Variants in OSBPL11 observed in about 807,000 individuals in gnomAD.
OSBPL11 encodes the protein oxysterol binding protein like 11, also known as oxysterol-binding protein-related protein 11.
A neutral mutation model predicts 84.4 loss-of-function variants in OSBPL11; 33 were observed. The ratio of observed to expected loss-of-function variants is 0.39; its 90% CI spans 0.30 to 0.52. The LOEUF (loss-of-function observed/expected upper bound fraction) is 0.52, where lower values mean the gene tolerates loss of function less well. OSBPL11 is among the 20% of genes least tolerant of loss of function. OSBPL11 has a pLI of 0.72. For synonymous variants in OSBPL11, 276 were observed against 310.2 expected (o/e 0.89, Z 1.16); for missense variants, 736 against 901.1 (o/e 0.82, Z 2.35).
chr3:125,563,908 G>A, intron 6 of OSBPL11, 65 bp from the exon 7 acceptor site: 1 of 1,579,016 alleles, frequency 6.3e-7, no homozygotes, highest in Non-Finnish European at 8.6e-7. Flanking sequence ...GGCAGATGTG[G>A]ATTTTAACAA....
intron 9 of OSBPL11, 106 bp downstream of exon 9, chr3:125,552,075 T>C (rs1456974297): frequency 1.5e-6 from 1 of 649,080 alleles, no homozygotes; most frequent in Non-Finnish European, 2.1e-6. Context: ...TTTCCTGTTC[T>C]AAAGCCTTTT....
At chr3:125,532,307 A>C (rs1312175461) in intron 11 of OSBPL11, among the ~76,000 whole-genome samples, 2 of 152,208 alleles carry the variant, frequency 1.3e-5, no homozygotes, top group African/African-American at 2.4e-5. Context: ...AAGAGAAGTA[A>C]ATTTTCAAAG....
At chr3:125,543,368 T>C (rs947001860) in intron 10 of OSBPL11, among the ~76,000 whole-genome samples, 22 of 149,042 alleles carry the variant, frequency 1.5e-4, no homozygotes, top group South Asian at 1.1e-3. Context: ...CTGACCTCAG[T>C]TGATCCACTG....
intron 6 of OSBPL11, among the ~76,000 whole-genome samples, chr3:125,564,599 A>G (rs1300363279): frequency 6.6e-6 from 1 of 152,104 alleles, no homozygotes; most frequent in Non-Finnish European, 1.5e-5. Context: ...ATAGAGTGCT[A>G]TAATAAGGGA....
intron 11 of OSBPL11, among the ~76,000 whole-genome samples, chr3:125,536,604 C>G (rs1935643044): frequency 6.6e-6 from 1 of 152,172 alleles, no homozygotes; most frequent in African/African-American, 2.4e-5. Context: ...AACATACCAT[C>G]AATTGTTTTT....
chr3:125,564,461 C>T (rs546353747), intron 6 of OSBPL11, among the ~76,000 whole-genome samples: 28 of 152,228 alleles, frequency 1.8e-4, no homozygotes, highest in African/African-American at 6.3e-4. Flanking sequence ...GTCATCTTCT[C>T]GGTTAATGAT....
chr3:125,557,898 A>T (rs1456955321), intron 8 of OSBPL11, among the ~76,000 whole-genome samples: 1 of 147,298 alleles, frequency 6.8e-6, no homozygotes. Context: ...GGTTCAAGCA[A>T]TTCTTGTATC....
At position 125,529,152 on chromosome 3, in the gene OSBPL11, G is replaced by A. The variant is rs1028171639; in HGVS notation, c.*1363C>T. ...ACCTACAATGGCTGATAAACAACAGGTATGTTACACACACTGATTGGAAGA... is the reference window on the plus strand; with the variant it reads ...ACCTACAATGGCTGATAAACAACAGATATGTTACACACACTGATTGGAAGA... On this transcript the variant is annotated 3_prime_UTR_variant, in exon 13 of 13. Transcript: ENST00000296220. 1.3e-5 allele frequency: 2 copies of A among 152,546 alleles called. No homozygotes were observed. Among genetic ancestry groups the A allele is most frequent in the Non-Finnish European group, 2.9e-5 (2 of 68,030 alleles). 9.4% of individuals were successfully genotyped at this position (152,546 alleles called of 1,614,324 possible).
At chr3:125,586,217 T>C (rs1388857839) in intron 1 of OSBPL11, among the ~76,000 whole-genome samples, 2 of 152,212 alleles carry the variant, frequency 1.3e-5, no homozygotes, top group African/African-American at 2.4e-5. Flanking sequence ...TTCTATAAAA[T>C]AGAAGTGATG....
intron 9 of OSBPL11, among the ~76,000 whole-genome samples, chr3:125,550,095 T>C (rs1028841698): frequency 6.6e-6 from 1 of 152,142 alleles, no homozygotes; most frequent in African/African-American, 2.4e-5. Context: ...TGATTTCAGC[T>C]GGGTGTAGTA....
At chr3:125,543,124 A>ATTTTTTTTTT (rs60571172) in intron 10 of OSBPL11, among the ~76,000 whole-genome samples, 1 of 99,288 alleles carries the variant, frequency 1.0e-5, no homozygotes, top group Non-Finnish European at 1.9e-5. Flanking sequence ...GGCTAGTAAG[A>ATTTTTTTTTT]TTTTTTTTTT....
intron 11 of OSBPL11, among the ~76,000 whole-genome samples, chr3:125,536,929 T>A (rs1453715334): frequency 6.6e-6 from 1 of 151,922 alleles, no homozygotes; most frequent in Admixed American, 6.6e-5. Flanking sequence ...GAGGCTGAGG[T>A]GGCAGGATCA....
intron 5 of OSBPL11, among the ~76,000 whole-genome samples, chr3:125,573,348 T>C (rs747897661): frequency 1.1e-4 from 16 of 152,206 alleles, no homozygotes; most frequent in Non-Finnish European, 2.2e-4. Flanking sequence ...ATCGTGATTT[T>C]AATCACTTGT....
rs763188800 is a variant in OSBPL11, at chr3:125,530,587, CAAAT to C, written c.2179-11_2179-8del. The C allele has an allele frequency of 1.2e-6, 2 of 1,609,902 alleles. No homozygotes were observed. Among genetic ancestry groups the C allele is most frequent in the Non-Finnish European group, 8.5e-7 (1 of 1,176,298 alleles). The stretch of plus-strand genomic sequence containing the variant: ...GATAAACCCAGCCATCTCCCTGAAA[CAAAT>C]AAAAAGATAAAGAATCATCCCTCTA... On this transcript the variant is annotated splice_polypyrimidine_tract_variant and splice_region_variant and intron_variant, in intron 12 of 12. Coordinates refer to ENST00000296220, the MANE Select transcript of OSBPL11 (RefSeq NM_022776.5).
intron 11 of OSBPL11, among the ~76,000 whole-genome samples, chr3:125,533,155 TTCCTTTCTTTCC>T (rs1366270372): frequency 6.6e-6 from 1 of 151,922 alleles, no homozygotes; most frequent in Non-Finnish European, 1.5e-5. Flanking sequence ...TCTTTCTTTC[TTCCTTTCTTTCC>T]TCCCCCCTTC....
chr3:125,559,893 C>T (rs1936049890), intron 8 of OSBPL11, among the ~76,000 whole-genome samples: 1 of 151,236 alleles, frequency 6.6e-6, no homozygotes, highest in African/African-American at 2.4e-5. Flanking sequence ...GCCAAGAAAG[C>T]CATTTTTTAT....
chr3:125,591,920 T>C (rs567745200), intron 1 of OSBPL11, among the ~76,000 whole-genome samples: 69 of 152,202 alleles, frequency 4.5e-4, no homozygotes, highest in African/African-American at 1.7e-3. Flanking sequence ...GAGGATCACT[T>C]GAGCCTAGCA....
chr3:125,538,194 A>G (rs1935670991), intron 11 of OSBPL11, among the ~76,000 whole-genome samples: 2 of 152,198 alleles, frequency 1.3e-5, no homozygotes, highest in South Asian at 4.1e-4. Context: ...TATGATACAC[A>G]CAGTAATTCT....
At position 125,530,217 on chromosome 3, in the gene OSBPL11, G is replaced by A; in HGVS notation, c.*298C>T. 3.0e-6 allele frequency: 1 copy of A among 336,748 alleles called. No individual in the cohort carries two copies. Among genetic ancestry groups the A allele is most frequent in the Non-Finnish European group, 5.6e-6 (1 of 179,878 alleles). The allele number at this position is 336,748 out of a possible 1,614,324, so 20.9% of individuals were successfully genotyped here. ...CTGCTGCCCCTGTGCAAAAATAGGG[G>A]ATTCAAACTTAACTTTAGGAGCAAG... On this transcript the variant is annotated 3_prime_UTR_variant, in exon 13 of 13. Coordinates refer to ENST00000296220, the MANE Select transcript of OSBPL11 (RefSeq NM_022776.5).
Sources: allele counts gnomAD v4.1 joint callset (sites outside exome capture counted in the v4.1 genomes callset), GRCh38; gene constraint gnomAD v4.1.1; transcripts MANE v1.5; gene names NCBI Gene and HGNC (gene_info 2026-07-23, HGNC 2026-07-21).